The following USP28 variants were observed in gnomAD, a reference collection of about 807,000 sequenced individuals.
The protein encoded by USP28 is ubiquitin specific peptidase 28, also known as ubiquitin carboxyl-terminal hydrolase 28.
USP28 carries 113 observed loss-of-function variants against 145.0 expected under a neutral mutation model. The ratio of observed to expected loss-of-function variants is 0.78; its 90% CI spans 0.67 to 0.91. The LOEUF is 0.91. Among genes scored for constraint, USP28 ranks in the 40% least tolerant of loss-of-function variants. The pLI is 0.00. For missense variants in USP28, 1,201 were observed against 1,289.6 expected (o/e 0.93, Z 1.05); for synonymous variants, 447 against 450.9 (o/e 0.99, Z 0.11).
intron 12 of USP28, chr11:113,821,448 C>A: frequency 4.5e-6 from 1 of 223,496 alleles, no homozygotes; most frequent in Admixed American, 4.1e-5. Flanking sequence ...TTCTGTGGGG[C>A]GCTGAGCTGA....
At chr11:113,802,436 G>A (rs1383624592) in intron 23 of USP28, among the ~76,000 whole-genome samples, 1 of 152,140 alleles carries the variant, frequency 6.6e-6, no homozygotes. Flanking sequence ...AGAAATATTG[G>A]CCTGACTTCT....
At chr11:113,822,998 T>C (rs1405733200) in intron 12 of USP28, among the ~76,000 whole-genome samples, 1 of 152,162 alleles carries the variant, frequency 6.6e-6, no homozygotes, top group Admixed American at 6.5e-5. Context: ...TGACTGTGTA[T>C]GGGATCTCTT....
At chr11:113,852,185 C>T (rs1420150679) in intron 3 of USP28, among the ~76,000 whole-genome samples, 1 of 152,152 alleles carries the variant, frequency 6.6e-6, no homozygotes, top group Non-Finnish European at 1.5e-5. Context: ...CCCACCACCA[C>T]ACCCAGCTAA....
intron 1 of USP28, chr11:113,874,750 C>T: frequency 8.6e-7 from 1 of 1,168,456 alleles, no homozygotes; most frequent in Non-Finnish European, 1.1e-6. Flanking sequence ...AACCAGGGTT[C>T]TTTCACTCTC....
At chr11:113,870,164 AAAAAC>A (rs558757168) in intron 1 of USP28, among the ~76,000 whole-genome samples, 59 of 152,202 alleles carry the variant, frequency 3.9e-4, no homozygotes, top group Non-Finnish European at 5.9e-4. Context: ...CTCCGTCTCA[AAAAAC>A]AAAACAAGAA....
intron 1 of USP28, among the ~76,000 whole-genome samples, chr11:113,855,766 T>A (rs1946982149): frequency 6.6e-6 from 1 of 151,970 alleles, no homozygotes; most frequent in African/African-American, 2.4e-5. Flanking sequence ...ACAAAATCAG[T>A]TGGGCGTGGT....
chr11:113,843,102 C>T (rs961786985), intron 3 of USP28, among the ~76,000 whole-genome samples: 22 of 152,054 alleles, frequency 1.4e-4, no homozygotes, highest in African/African-American at 5.1e-4. Flanking sequence ...CATGGTTGCA[C>T]GTGCCTGTAA....
chr11:113,818,405 C>T (rs1270825901), intron 12 of USP28, among the ~76,000 whole-genome samples: 2 of 152,108 alleles, frequency 1.3e-5, no homozygotes, highest in African/African-American at 4.8e-5. Flanking sequence ...CCCGCCTTGG[C>T]CTCCCAAAGT....
intron 3 of USP28, among the ~76,000 whole-genome samples, chr11:113,850,474 T>A (rs1475289438): frequency 6.6e-6 from 1 of 152,174 alleles, no homozygotes; most frequent in Non-Finnish European, 1.5e-5. Flanking sequence ...AAGAACAATG[T>A]TGACCGAAAA....
At chr11:113,851,209 C>G (rs964508519) in intron 3 of USP28, among the ~76,000 whole-genome samples, 22 of 152,202 alleles carry the variant, frequency 1.4e-4, no homozygotes, top group African/African-American at 4.3e-4. Flanking sequence ...CCTCCTCCCC[C>G]ACATTCTGTT....
chr11:113,804,603 T>C, intron 21 of USP28, 70 bp downstream of exon 22: 1 of 1,410,668 alleles, frequency 7.1e-7, no homozygotes, highest in Non-Finnish European at 9.8e-7. Context: ...AAATTGTTTA[T>C]TTTGCCTCAG....
chr11:113,860,586 C>A (rs529880748), intron 1 of USP28, among the ~76,000 whole-genome samples: 5 of 151,808 alleles, frequency 3.3e-5, no homozygotes, highest in African/African-American at 1.2e-4. Context: ...TGAAGGCAGG[C>A]GGATCACAAG....
At chr11:113,818,024 C>T (rs1942015533) in intron 12 of USP28, 187 bp from the exon 13 acceptor site, 1 of 496,084 alleles carries the variant, frequency 2.0e-6, no homozygotes, top group South Asian at 5.9e-5. Flanking sequence ...CTAAAAATTG[C>T]CAACAATCTG....
chr11:113,873,671 G>C (rs888335867), intron 1 of USP28, among the ~76,000 whole-genome samples: 8 of 152,180 alleles, frequency 5.3e-5, no homozygotes, highest in African/African-American at 1.7e-4. Context: ...ATTTTCCCAT[G>C]TTTTTAAATC....
At chr11:113,805,430 A>T (rs1029725713) in intron 19 of USP28, among the ~76,000 whole-genome samples, 3 of 151,740 alleles carry the variant, frequency 2.0e-5, no homozygotes, top group Admixed American at 1.3e-4. Context: ...TAATTTTTGT[A>T]TTTTTGATAG....
chr11:113,799,381 G>C, exon 25 of USP28: 1 of 1,614,144 alleles, frequency 6.2e-7, no homozygotes. Context: ...CTAGAAGTCT[G>C]GGTAGAAACT....
intron 12 of USP28, among the ~76,000 whole-genome samples, chr11:113,818,526 G>C (rs4320980): frequency 6.6e-6 from 1 of 151,954 alleles, no homozygotes; most frequent in Non-Finnish European, 1.5e-5. Flanking sequence ...AATCCCAAGA[G>C]ATTTTTTTCT....
chr11:113,872,357 G>T (rs1948906290), intron 1 of USP28, among the ~76,000 whole-genome samples: 1 of 151,930 alleles, frequency 6.6e-6, no homozygotes, highest in Admixed American at 6.6e-5. Flanking sequence ...CGTGGTGGTG[G>T]GCACCTGTAG....
At chr11:113,832,177 T>G (rs538862391) in intron 7 of USP28, among the ~76,000 whole-genome samples, 184 bp from the exon 8 acceptor site, 2 of 152,188 alleles carry the variant, frequency 1.3e-5, no homozygotes, top group Admixed American at 1.3e-4. Context: ...TGGCGCGATC[T>G]CAGCTCAATG....
Sources: gnomAD v4.1 joint callset for allele counts (sites outside exome capture counted in the v4.1 genomes callset) on GRCh38, gnomAD v4.1.1 for gene constraint, MANE v1.5 for transcripts, NCBI Gene and HGNC (gene_info 2026-07-23, HGNC 2026-07-21) for gene names.